Variants in MEGF8 observed in about 807,000 individuals in gnomAD.
MEGF8 encodes multiple epidermal growth factor-like domains protein 8.
A neutral mutation model predicts 302.9 loss-of-function variants in MEGF8; 156 were observed. The ratio of observed to expected loss-of-function variants is 0.52; its 90% CI spans 0.45 to 0.59. The LOEUF (loss-of-function observed/expected upper bound fraction) is 0.59. MEGF8 is among the 20% of genes least tolerant of loss of function. The pLI, the probability that MEGF8 is intolerant of heterozygous loss-of-function variation, is 0.00. For missense variants in MEGF8, 3,345 were observed against 3,964.5 expected (o/e 0.84, Z 4.20); for synonymous variants, 1,621 against 1,660.5 (o/e 0.98, Z 0.58).
intron 2 of MEGF8, 113 bp downstream of exon 2, chr19:42,333,881 G>A (rs2039087100): frequency 6.5e-7 from 1 of 1,528,400 alleles, no homozygotes; most frequent in Non-Finnish European, 8.9e-7. Flanking sequence ...AAGGGAAGGT[G>A]GAGAGAGGCA....
chr19:42,365,280 T>C (rs2039588080), intron 35 of MEGF8, among the ~76,000 whole-genome samples: 1 of 152,084 alleles, frequency 6.6e-6, no homozygotes, highest in Non-Finnish European at 1.5e-5. Context: ...GCTTGCCAAG[T>C]TCTCACACGC....
chr19:42,335,309 A>G lies in MEGF8; in HGVS notation c.752A>G (p.Asn251Ser), dbSNP rs762625035. Reference protein sequence around the residue: ...LLAVFGGQDLNNALGDLVLYN... With the variant: ...LLAVFGGQDLSNALGDLVLYN... The stretch of plus-strand genomic sequence containing the variant: ...CACCCCTCCACAGGCCAGGACCTCA[A>G]CAATGCCCTGGGTGACCTCGTCCTA... Residue 251 changes from asparagine to serine, a missense_variant, in exon 5 of 42, where the codon AAC (asparagine) becomes AGC (serine). Physicochemically the swap from Asn to Ser is conservative, Grantham distance 46. Coordinates refer to ENST00000251268, the MANE Select transcript of MEGF8 (RefSeq NM_001271938.2). The G allele has an allele frequency of 1.7e-5, 27 of 1,613,890 alleles. No individual in the cohort carries two copies. The African/African-American group carries it at 3.3e-4, about 20-fold the overall frequency.
At position 42,362,056 on chromosome 19, in the gene MEGF8, T is replaced by C. The variant is rs753624711; in HGVS notation, c.5721-34T>C. 6.2e-6 allele frequency: 10 copies of C among 1,607,570 alleles called. No individual in the cohort carries two copies. In the East Asian group the frequency reaches 2.0e-4, roughly 32 times the overall value. On this transcript the variant is annotated intron_variant, in intron 32 of 41. Coordinates refer to ENST00000251268, the MANE Select transcript of MEGF8 (RefSeq NM_001271938.2). ...GGGAGGCAGAAGGAGGGGGTCTGGA[T>C]GGGTGTGAGTGAGCCAGGCCTCATG...
chr19:42,369,907 G>A lies in MEGF8; in HGVS notation c.6834+184G>A, dbSNP rs180984220. On this transcript the variant is annotated intron_variant, in intron 38 of 41. Transcript: ENST00000251268. This position sits in a 1 kb window ranked among gnomAD's most constrained non-coding sequence, Gnocchi z 5.7. ...ACGCTGCCTGGGTTTGGATCCCAGA[G>A]GGTCTGCCCTGGAATAGTGGACGGA... Among the ~76,000 whole-genome samples, 118 of 152,368 alleles carry A rather than the reference G, an allele frequency of 7.7e-4. 1 individual carries two copies. The highest frequency in any genetic ancestry group is 1.5e-3 in the Non-Finnish European group (102 of 68,036).
At chr19:42,339,224 G>A (rs1428899004) in intron 8 of MEGF8, among the ~76,000 whole-genome samples, 1 of 152,160 alleles carries the variant, frequency 6.6e-6, no homozygotes, top group African/African-American at 2.4e-5. Flanking sequence ...GAACATACAC[G>A]TTAGAACAAT....
At chr19:42,332,138 G>A (rs193048083) in intron 1 of MEGF8, among the ~76,000 whole-genome samples, 97 of 152,212 alleles carry the variant, frequency 6.4e-4, no homozygotes, top group African/African-American at 6.5e-4. Flanking sequence ...GATTACAGGC[G>A]TGAGCCACCC....
chr19:42,352,475 G>T lies in MEGF8; in HGVS notation c.3350+19G>T. 1 of 1,566,314 alleles carries T rather than the reference G, an allele frequency of 6.4e-7. No individual in the cohort carries two copies. Among genetic ancestry groups the T allele is most frequent in the Non-Finnish European group, 8.7e-7 (1 of 1,150,464 alleles). ...ACCGCACGTGAGTGAGGCGGGGGTTGCTATGGAGATGTTGCCCCAGGCTGG... is the reference window on the plus strand; with the variant it reads ...ACCGCACGTGAGTGAGGCGGGGGTTTCTATGGAGATGTTGCCCCAGGCTGG... On this transcript the variant is annotated intron_variant, in intron 19 of 41. Transcript: ENST00000251268. This position sits in a 1 kb window ranked among gnomAD's most constrained non-coding sequence, Gnocchi z 4.4.
Position 42,360,851 on chromosome 19 carries a change from C to T in MEGF8, c.5565C>T (p.Ile1855=). Residue 1855 remains isoleucine, a synonymous_variant, in exon 32 of 42, where the codon ATC becomes ATT. Coordinates refer to ENST00000251268, the MANE Select transcript of MEGF8 (RefSeq NM_001271938.2). ...CAGCAGTCGGGAGCCGCCTGTATAT[C>T]TCTGGGGGTTTCGGGGGAGTGGCCC... ...AVAAVGSRLY[I]SGGFGGVALG... The T allele has an allele frequency of 6.2e-7, 1 of 1,613,256 alleles. No individual in the cohort carries two copies. The highest frequency in any genetic ancestry group is 1.7e-5 in the Admixed American group (1 of 59,950).
At chr19:42,334,293 C>G in intron 3 of MEGF8, 80 bp downstream of exon 3, 2 of 1,329,472 alleles carry the variant, frequency 1.5e-6, no homozygotes, top group Non-Finnish European at 1.0e-6. Flanking sequence ...TAGGTCTGAC[C>G]TTGCTCCTGC....
rs2039571207 is a variant in MEGF8, at chr19:42,364,101, T to C, written c.6273+839T>C. Among the ~76,000 whole-genome samples the C allele has an allele frequency of 2.6e-5, 4 of 152,156 alleles. No individual in the cohort carries two copies. In the South Asian group the frequency reaches 8.3e-4, roughly 32 times the overall value. On this transcript the variant is annotated intron_variant, in intron 35 of 41. Coordinates refer to ENST00000251268, the MANE Select transcript of MEGF8 (RefSeq NM_001271938.2). The stretch of plus-strand genomic sequence containing the variant: ...AAACGTGGCACGTCAGATCTAGGCC[T>C]CTTCTAGGCTGTGGGGTGGAGAGAT...
intron 35 of MEGF8, among the ~76,000 whole-genome samples, chr19:42,367,894 C>T (rs556661664): frequency 3.9e-5 from 6 of 152,234 alleles, no homozygotes; most frequent in Non-Finnish European, 8.8e-5. Flanking sequence ...CTAAACAATC[C>T]CTTCAACCCA....
intron 40 of MEGF8, among the ~76,000 whole-genome samples, chr19:42,371,051 A>G (rs975260863): frequency 2.0e-5 from 3 of 151,216 alleles, no homozygotes; most frequent in Admixed American, 1.3e-4. Context: ...GCTGAAGTGC[A>G]GTCCACAGAG....
rs2039777622 is a variant in MEGF8, at chr19:42,376,826, C to CTGGACT, written c.*55_*60dup. The CTGGACT allele has an allele frequency of 7.1e-7, 1 of 1,412,424 alleles. No homozygotes were observed. Among genetic ancestry groups the CTGGACT allele is most frequent in the Admixed American group, 3.0e-5 (1 of 32,904 alleles). 87.5% of individuals were successfully genotyped at this position (1,412,424 alleles called of 1,614,324 possible). On this transcript the variant is annotated 3_prime_UTR_variant, in exon 42 of 42. Transcript: ENST00000251268. This position sits in a 1 kb window ranked among gnomAD's most constrained non-coding sequence, Gnocchi z 8.2. ...AGCTGGGTCACCTGATAGGGCCGCC[C>CTGGACT]TGGACTTGGGGTCCCTCCACCTGGG...
chr19:42,349,786 T>C, intron 14 of MEGF8, 87 bp downstream of exon 14: 3 of 1,387,446 alleles, frequency 2.2e-6, no homozygotes, highest in Non-Finnish European at 3.0e-6. Flanking sequence ...CCACAAACTC[T>C]GAAATCCCTA....
At position 42,356,572 on chromosome 19, in the gene MEGF8, C is replaced by T; in HGVS notation, c.4622+119C>T. 1 of 978,430 alleles carries T rather than the reference C, an allele frequency of 1.0e-6. No individual in the cohort carries two copies. Among genetic ancestry groups the T allele is most frequent in the Non-Finnish European group, 1.5e-6 (1 of 677,356 alleles). 60.6% of individuals were successfully genotyped at this position (978,430 alleles called of 1,614,324 possible). A position where few individuals can be genotyped will look rare whatever the true frequency, so the allele number is the denominator to read the frequency against. ...AAGGTAAAGGACAGCCCAAAGGATG[C>T]TGGGACACTTGTCACAGGAAGCTCA... is the stretch of plus-strand genomic sequence containing the variant. On this transcript the variant is annotated intron_variant, in intron 26 of 41. Coordinates refer to ENST00000251268, the MANE Select transcript of MEGF8 (RefSeq NM_001271938.2). The surrounding 1 kb of genome is among the most constrained non-coding windows in gnomAD (Gnocchi z 5.2).
rs1284885936 is a variant in MEGF8, at chr19:42,369,331, G to A, written c.6642-200G>A. 3.9e-5 allele frequency among the ~76,000 whole-genome samples: 6 copies of A among 152,166 alleles called. No individual in the cohort carries two copies. Among genetic ancestry groups the A allele is most frequent in the African/African-American group, 1.4e-4 (6 of 41,430 alleles). On this transcript the variant is annotated intron_variant, in intron 37 of 41. Coordinates refer to ENST00000251268, the MANE Select transcript of MEGF8 (RefSeq NM_001271938.2). The surrounding 1 kb of genome is among the most constrained non-coding windows in gnomAD (Gnocchi z 5.7). ...CTACAAAAAAATAAAAAAGAAAATA[G>A]GGTACCCTCAAAAGAGGAGAGAGGG...
At chr19:42,359,062 G>C in intron 30 of MEGF8, 36 bp from the exon 31 acceptor site, 1 of 1,523,170 alleles carries the variant, frequency 6.6e-7, no homozygotes, top group South Asian at 1.2e-5. Flanking sequence ...GCTCTGACAG[G>C]CTGTCCTGTC....
At chr19:42,346,984 C>CAAAAAAAA (rs767117534) in intron 12 of MEGF8, among the ~76,000 whole-genome samples, 1 of 49,790 alleles carries the variant, frequency 2.0e-5, no homozygotes, top group African/African-American at 7.4e-5. Flanking sequence ...GACTCTGTCT[C>CAAAAAAAA]AAAAAAAAAA....
chr19:42,348,631 A>G (rs1050502257), intron 13 of MEGF8, among the ~76,000 whole-genome samples, 159 bp downstream of exon 13: 1 of 151,924 alleles, frequency 6.6e-6, no homozygotes, highest in African/African-American at 2.4e-5. Context: ...ACAGAGTCTC[A>G]CTCTGTTGTC....
Sources: gnomAD v4.1 joint callset for allele counts (sites outside exome capture counted in the v4.1 genomes callset) on GRCh38, gnomAD v4.1.1 for gene constraint, Gnocchi (gnomAD v3.1) non-coding constraint, MANE v1.5 for transcripts, NCBI Gene and HGNC (gene_info 2026-07-23, HGNC 2026-07-21) for gene names.